Variants in MTA1 observed in about 807,000 individuals in gnomAD.
MTA1 encodes metastasis-associated protein MTA1.
MTA1 carries 15 observed loss-of-function variants against 97.0 expected under a neutral mutation model. The ratio of observed to expected loss-of-function variants is 0.15; its 90% CI spans 0.10 to 0.24. MTA1 has a LOEUF of 0.24. Among genes scored for constraint, MTA1 ranks in the 10% least tolerant of loss-of-function variants. The pLI is 1.00. For synonymous variants in MTA1, 435 were observed against 417.5 expected, an observed-to-expected ratio of 1.04 and a Z score of -0.51; for missense variants, 709 against 1,015.1, an observed-to-expected ratio of 0.70 and a Z score of 4.10.
chr14:105,469,226 T>G (rs2083726171), intron 18 of MTA1: 1 of 610,414 alleles, frequency 1.6e-6, no homozygotes, highest in Non-Finnish European at 3.0e-6. Context: ...GCTCCTGGCC[T>G]CCTGCCTGGA....
At chr14:105,462,293 G>A (rs769195164) in intron 10 of MTA1, among the ~76,000 whole-genome samples, 10 of 152,220 alleles carry the variant, frequency 6.6e-5, no homozygotes, top group African/African-American at 1.4e-4. Flanking sequence ...GCCACAGCCC[G>A]GGCGCAGTGG....
At chr14:105,464,262 G>C (rs1567043132) in intron 13 of MTA1, 115 bp downstream of exon 13, 2 of 1,410,738 alleles carry the variant, frequency 1.4e-6, no homozygotes, top group East Asian at 2.4e-5. Flanking sequence ...ACTGACGATG[G>C]GGGCTGCGTC....
At chr14:105,459,137 C>T (rs880001770) in intron 8 of MTA1, among the ~76,000 whole-genome samples, 3 of 51,662 alleles carry the variant, frequency 5.8e-5, no homozygotes, top group Admixed American at 1.8e-4. Context: ...GGGGAGTCCG[C>T]GCTGCCCGTG....
chr14:105,446,806 TG>T (rs1317373598), intron 3 of MTA1, among the ~76,000 whole-genome samples: 2 of 152,236 alleles, frequency 1.3e-5, no homozygotes, highest in African/African-American at 4.8e-5. Context: ...CTCTGGACAC[TG>T]GGCTGTGGGG....
rs587684378 is a variant in MTA1, at chr14:105,455,262, C to T, written c.550+952C>T. Among the ~76,000 whole-genome samples the T allele has an allele frequency of 7.2e-5, 11 of 152,366 alleles. No individual in the cohort carries two copies. In the South Asian group the frequency reaches 8.3e-4, roughly 11 times the overall value. On this transcript the variant is annotated intron_variant, in intron 7 of 20. Coordinates refer to ENST00000331320, the MANE Select transcript of MTA1 (RefSeq NM_004689.4). ...ATTTTCTTCTGTGTGAATCTGCCCA[C>T]GTTTCTTGTCTTGCCTGTGGGTGCC...
Position 105,463,240 on chromosome 14 carries a change from C to G in MTA1, c.999C>G (p.Thr333=), listed in dbSNP as rs375393910. ...IIEYYYMWKT[T]DRYVQQKRLK... ...AGTACTACTACATGTGGAAGACCAC[C>G]GACAGATACGTGCAGCAGGTGAGCC... Residue 333 remains threonine, a synonymous_variant, in exon 11 of 21, where the codon ACC becomes ACG. Coordinates refer to ENST00000331320, the MANE Select transcript of MTA1 (RefSeq NM_004689.4). This position sits in a 1 kb window ranked among gnomAD's most constrained non-coding sequence, Gnocchi z 5.9. The G allele has an allele frequency of 1.2e-6, 2 of 1,610,836 alleles. No homozygotes were observed. Among genetic ancestry groups the G allele is most frequent in the East Asian group, 4.5e-5 (2 of 44,848 alleles).
At chr14:105,462,870 A>G (rs1429314597) in intron 10 of MTA1, among the ~76,000 whole-genome samples, 1 of 152,222 alleles carries the variant, frequency 6.6e-6, no homozygotes, top group Non-Finnish European at 1.5e-5. Flanking sequence ...CTCCGTCTCA[A>G]AAACAAACAA....
In MTA1 at chr14:105,450,316, G is replaced by A; in HGVS notation, c.424G>A (p.Glu142Lys). The A allele has an allele frequency of 6.2e-7, 1 of 1,603,194 alleles. No homozygotes were observed. The highest frequency in any genetic ancestry group is 1.7e-5 in the Admixed American group (1 of 59,774). Residue 142 changes from glutamate to lysine, a missense_variant, in exon 6 of 21, where the codon GAG (glutamate) becomes AAG (lysine). Coordinates refer to ENST00000331320, the MANE Select transcript of MTA1 (RefSeq NM_004689.4). Reference protein sequence around the residue: ...NETESLKSYLEREDFFFYSLV... With the variant: ...NETESLKSYLKREDFFFYSLV... ...GACCGAGTCGCTCAAGTCCTACCTG[G>A]AGCGGGAGGTGAGGCCCAGCCCGGC... is the stretch of plus-strand genomic sequence containing the variant.
At position 105,454,285 on chromosome 14, in the gene MTA1, A is replaced by C. The variant is rs1555429366; in HGVS notation, c.525A>C (p.Ala175=). ...TTCGAGTAGGAAACCGGTACCAGGC[A>C]GACATCACCGACTTGTTAAAAGAAG... is the stretch of plus-strand genomic sequence containing the variant. The part of the protein sequence containing the change: ...GEIRVGNRYQ[A]DITDLLKEGE... The change falls in exon 7 of 21, where the codon GCA becomes GCC. Residue 175 remains alanine (A), a synonymous_variant. Transcript: ENST00000331320. 1 of 1,613,468 alleles carries C rather than the reference A, an allele frequency of 6.2e-7. No homozygotes were observed. The highest frequency in any genetic ancestry group is 8.5e-7 in the Non-Finnish European group (1 of 1,179,560).
intron 1 of MTA1, among the ~76,000 whole-genome samples, chr14:105,427,102 G>T (rs1447934696): frequency 1.3e-5 from 2 of 152,220 alleles, no homozygotes; most frequent in Non-Finnish European, 2.9e-5. Context: ...TGATCTTGGG[G>T]GTTGTGTCTG....
chr14:105,454,275 G>A lies in MTA1; in HGVS notation c.515G>A (p.Arg172Gln), dbSNP rs782100866. ...ADKGEIRVGN[R>Q]YQADITDLLK... ...AAAGGAGAGATTCGAGTAGGAAACCGGTACCAGGCAGACATCACCGACTTG... is the reference window on the plus strand; with the variant it reads ...AAAGGAGAGATTCGAGTAGGAAACCAGTACCAGGCAGACATCACCGACTTG... Residue 172 changes from arginine (R) to glutamine (Q), a missense_variant, in exon 7 of 21, where the codon CGG becomes CAG. By Grantham distance (43) the Arg-to-Gln change is conservative (BLOSUM62 1). This residue lies in a region of MTA1 where 321 missense variants were observed against 593.5 expected (regional missense o/e 0.54). Transcript: ENST00000331320. 1 of 1,613,520 alleles carries A rather than the reference G, an allele frequency of 6.2e-7. No homozygotes were observed. The highest frequency in any genetic ancestry group is 1.7e-5 in the Admixed American group (1 of 60,002).
chr14:105,423,726 C>T (rs1325044817), intron 1 of MTA1, among the ~76,000 whole-genome samples: 1 of 152,256 alleles, frequency 6.6e-6, no homozygotes, highest in Non-Finnish European at 1.5e-5. Context: ...CCATCATCTG[C>T]GCTCTGGCGC....
At chr14:105,457,503 G>GA (rs1388630527) in intron 7 of MTA1, among the ~76,000 whole-genome samples, 1 of 152,246 alleles carries the variant, frequency 6.6e-6, no homozygotes, top group African/African-American at 2.4e-5. Flanking sequence ...AGCTGCCCCA[G>GA]AACCCCCTGG....
In MTA1 at chr14:105,450,059, G is replaced by A; in HGVS notation, c.243G>A (p.Gly81=). Residue 81 remains glycine, a splice_region_variant and synonymous_variant, in exon 5 of 21, where the codon GGG becomes GGA. Transcript: ENST00000331320. ...TGACAGGGGCTCCTTGTCCTTCAGGGGAAATAGAAGAGGAAATGGAGAACC... is the reference window on the plus strand; with the variant it reads ...TGACAGGGGCTCCTTGTCCTTCAGGAGAAATAGAAGAGGAAATGGAGAACC... The part of the protein sequence containing the change: ...AGPGADNGEE[G]EIEEEMENPE... The A allele has an allele frequency of 2.5e-6, 4 of 1,613,554 alleles. No homozygotes were observed. Among genetic ancestry groups the A allele is most frequent in the Non-Finnish European group, 3.4e-6 (4 of 1,179,868 alleles).
In MTA1 at chr14:105,422,959, T is replaced by C. The variant is rs1304221846; in HGVS notation, c.28+2896T>C. Among the ~76,000 whole-genome samples the C allele has an allele frequency of 6.6e-6, 1 of 152,150 alleles. No homozygotes were observed. Among genetic ancestry groups the C allele is most frequent in the Non-Finnish European group, 1.5e-5 (1 of 68,012 alleles). ...CTCAAGGGTTGTCCATCCCGAGGGC[T>C]GGGGAAGGCTTGAAACCTGCTGTGG... On this transcript the variant is annotated intron_variant, in intron 1 of 20. Transcript: ENST00000331320. This position sits in a 1 kb window ranked among gnomAD's most constrained non-coding sequence, Gnocchi z 4.3.
chr14:105,455,962 G>A (rs1555429816), intron 7 of MTA1, among the ~76,000 whole-genome samples: 1 of 150,806 alleles, frequency 6.6e-6, no homozygotes, highest in Non-Finnish European at 1.5e-5. Flanking sequence ...TCACTGTGCT[G>A]AGGCCTGTGG....
At chr14:105,449,761 G>A (rs587652156) in intron 4 of MTA1, among the ~76,000 whole-genome samples, 1 of 152,346 alleles carries the variant, frequency 6.6e-6, no homozygotes, top group African/African-American at 2.4e-5. Context: ...TGCTTCTGGG[G>A]CTGGCCCGGA....
chr14:105,455,842 C>T (rs1168790984), intron 7 of MTA1, among the ~76,000 whole-genome samples: 1 of 152,212 alleles, frequency 6.6e-6, no homozygotes, highest in Non-Finnish European at 1.5e-5. Flanking sequence ...GCAGACAGGG[C>T]ACATTGAGGG....
rs1406342862 is a variant in MTA1 at position 105,419,902 on chromosome 14, C to CGGT, written c.-132_-131insTGG. The CGGT allele has an allele frequency of 4.3e-6, 1 of 234,950 alleles. No individual in the cohort carries two copies. The highest frequency in any genetic ancestry group is 6.8e-6 in the Non-Finnish European group (1 of 146,348). 14.6% of individuals were successfully genotyped at this position (234,950 alleles called of 1,614,324 possible). ...GCGGCCTCGGCGGCGGCGGCGGCGGCGGCGGCGGCAGCAGCGCGGCCCCTT... is the reference window on the plus strand; with the variant it reads ...GCGGCCTCGGCGGCGGCGGCGGCGGCGGTGGCGGCGGCAGCAGCGCGGCCCCTT... On this transcript the variant is annotated 5_prime_UTR_variant, in exon 1 of 21. Transcript: ENST00000331320.
Sources: allele counts gnomAD v4.1 joint callset (sites outside exome capture counted in the v4.1 genomes callset), GRCh38; gene constraint gnomAD v4.1.1; regional missense constraint gnomAD v4.1.1; non-coding constraint Gnocchi (gnomAD v3.1); transcripts MANE v1.5; gene names NCBI Gene and HGNC (gene_info 2026-07-23, HGNC 2026-07-21).